The following CDK14 variants were observed in gnomAD, a reference collection of about 807,000 sequenced individuals.
The protein encoded by CDK14 is cyclin dependent kinase 14.
A neutral mutation model predicts 60.7 loss-of-function variants in CDK14; 34 were observed. The observed-to-expected ratio is 0.56, with a 90% CI of 0.43 to 0.75. The LOEUF (loss-of-function observed/expected upper bound fraction) is 0.75. Among genes scored for constraint, CDK14 ranks in the 30% least tolerant of loss-of-function variants. CDK14 has a pLI of 0.00. For missense variants in CDK14, 482 were observed against 564.1 expected (o/e 0.85, Z 1.47); for synonymous variants, 197 against 203.7 (o/e 0.97, Z 0.28).
At chr7:91,058,973 G>A (rs1228513514) in intron 11 of CDK14, among the ~76,000 whole-genome samples, 1 of 152,222 alleles carries the variant, frequency 6.6e-6, no homozygotes, top group Non-Finnish European at 1.5e-5. Flanking sequence ...AGCTTCAGAA[G>A]GAATGGTACC....
chr7:90,931,800 G>T (rs1333895859), intron 8 of CDK14, among the ~76,000 whole-genome samples: 1 of 141,276 alleles, frequency 7.1e-6, no homozygotes, highest in Non-Finnish European at 1.5e-5. Flanking sequence ...GTGTGTGTGT[G>T]TTTTGGTGAG....
At chr7:90,983,460 A>G (rs1469578504) in intron 9 of CDK14, among the ~76,000 whole-genome samples, 1 of 152,156 alleles carries the variant, frequency 6.6e-6, no homozygotes, top group African/African-American at 2.4e-5. Flanking sequence ...CGGGCGGATC[A>G]CAAGGTCAGG....
chr7:90,801,579 A>G (rs778197432), intron 5 of CDK14, among the ~76,000 whole-genome samples: 10 of 152,322 alleles, frequency 6.6e-5, no homozygotes, highest in Non-Finnish European at 1.3e-4. Flanking sequence ...ATAAAGGTCT[A>G]CTTCCACAAT....
chr7:90,912,590 G>C (rs1010250214), intron 7 of CDK14, among the ~76,000 whole-genome samples: 22 of 151,970 alleles, frequency 1.4e-4, no homozygotes, highest in African/African-American at 5.1e-4. Context: ...AATTTGTTGG[G>C]GGTTTTTTGT....
intron 14 of CDK14, among the ~76,000 whole-genome samples, chr7:91,168,940 C>T (rs944450236): frequency 6.6e-6 from 1 of 152,182 alleles, no homozygotes; most frequent in South Asian, 2.1e-4. Flanking sequence ...TGTGCTGGGC[C>T]GTGGACTCAT....
intron 9 of CDK14, among the ~76,000 whole-genome samples, chr7:90,977,366 C>T (rs949841112): frequency 3.3e-5 from 5 of 152,026 alleles, no homozygotes; most frequent in Non-Finnish European, 5.9e-5. Flanking sequence ...AACCCATCTC[C>T]CCAGCTGACT....
chr7:91,206,271 C>T (rs1802895240), intron 14 of CDK14, among the ~76,000 whole-genome samples: 1 of 152,170 alleles, frequency 6.6e-6, no homozygotes, highest in African/African-American at 2.4e-5. Context: ...CAGGCACCAT[C>T]CAGGGTTCCC....
intron 5 of CDK14, among the ~76,000 whole-genome samples, chr7:90,852,983 G>A (rs1194015735): frequency 6.6e-6 from 1 of 152,148 alleles, no homozygotes; most frequent in Non-Finnish European, 1.5e-5. Context: ...TGAAGTAGTG[G>A]TATGTTTGAA....
rs572806490 is a variant in CDK14 at position 91,032,668 on chromosome 7, TC to T, written c.1042-13225del. 8.5e-5 allele frequency among the ~76,000 whole-genome samples: 13 copies of T among 152,204 alleles called. No homozygotes were observed. In the South Asian group the frequency reaches 2.7e-3, roughly 32 times the overall value. ...GCTGGAGGAGGCAAGAAACTGCTTC[TC>T]CCCTAAACCCCCCAGAGGGGACAAG... is the stretch of plus-strand genomic sequence containing the variant. On this transcript the variant is annotated intron_variant, in intron 10 of 14. Coordinates refer to ENST00000380050, the MANE Select transcript of CDK14 (RefSeq NM_001287135.2).
At chr7:90,920,467 A>G (rs750604316) in intron 8 of CDK14, among the ~76,000 whole-genome samples, 2 of 152,196 alleles carry the variant, frequency 1.3e-5, no homozygotes, top group Non-Finnish European at 2.9e-5. Context: ...TTGTCTCTTC[A>G]AGCTAGGAAT....
At chr7:90,853,145 T>C (rs577461980) in intron 5 of CDK14, among the ~76,000 whole-genome samples, 35 of 152,248 alleles carry the variant, frequency 2.3e-4, no homozygotes, top group Admixed American at 7.9e-4. Context: ...TTACAGCAAA[T>C]CTTACTCTTT....
chr7:90,944,050 G>T (rs1794020055), intron 8 of CDK14, among the ~76,000 whole-genome samples: 1 of 152,094 alleles, frequency 6.6e-6, no homozygotes, highest in African/African-American at 2.4e-5. Flanking sequence ...ATAAACTGAG[G>T]TTGCCCATCA....
At chr7:91,155,299 A>G (rs1426374653) in intron 14 of CDK14, among the ~76,000 whole-genome samples, 1 of 152,226 alleles carries the variant, frequency 6.6e-6, no homozygotes, top group Non-Finnish European at 1.5e-5. Flanking sequence ...GTAGTCAGCA[A>G]TGCCAAATAG....
intron 2 of CDK14, among the ~76,000 whole-genome samples, chr7:90,698,260 C>T (rs1328389464): frequency 6.6e-6 from 1 of 151,986 alleles, no homozygotes; most frequent in Non-Finnish European, 1.5e-5. Flanking sequence ...TTTACATGCT[C>T]ATTTTAATTT....
At chr7:90,599,110 C>T (rs1799261499) in intron 1 of CDK14, among the ~76,000 whole-genome samples, 1 of 152,192 alleles carries the variant, frequency 6.6e-6, no homozygotes, top group South Asian at 2.1e-4. Flanking sequence ...CAGACTGTTT[C>T]CCATGTTGCC....
At chr7:91,186,049 A>G (rs1053270951) in intron 14 of CDK14, among the ~76,000 whole-genome samples, 2 of 151,620 alleles carry the variant, frequency 1.3e-5, no homozygotes, top group Admixed American at 6.6e-5. Flanking sequence ...AATGGTTTCA[A>G]GGTTCATCCA....
intron 8 of CDK14, among the ~76,000 whole-genome samples, chr7:90,955,331 G>A (rs1435913210): frequency 2.6e-5 from 4 of 152,058 alleles, no homozygotes; most frequent in Non-Finnish European, 5.9e-5. Context: ...TTCTAAATCT[G>A]TTTTTTCTCA....
chr7:91,103,599 G>A (rs1427611958), intron 12 of CDK14, among the ~76,000 whole-genome samples: 1 of 152,122 alleles, frequency 6.6e-6, no homozygotes, highest in African/African-American at 2.4e-5. Context: ...AACTCTCCCT[G>A]CCTCTAGTTC....
intron 8 of CDK14, among the ~76,000 whole-genome samples, chr7:90,948,874 A>G (rs1794173830): frequency 6.6e-6 from 1 of 152,226 alleles, no homozygotes; most frequent in South Asian, 2.1e-4. Flanking sequence ...TAGTTTTGCC[A>G]TATGACAAGT....
Sources: allele counts gnomAD v4.1 joint callset (sites outside exome capture counted in the v4.1 genomes callset), GRCh38; gene constraint gnomAD v4.1.1; transcripts MANE v1.5; gene names NCBI Gene and HGNC (gene_info 2026-07-23, HGNC 2026-07-21).